The following DSCAML1 variants were observed in gnomAD, a reference collection of about 807,000 sequenced individuals.
The protein encoded by DSCAML1 is DS cell adhesion molecule like 1.
In DSCAML1, 38 loss-of-function variants were observed where a neutral mutation model predicts 200.5. That is an observed-to-expected ratio of 0.19 (90% CI 0.15 to 0.25). The LOEUF (loss-of-function observed/expected upper bound fraction) is 0.25. Ranked by LOEUF, DSCAML1 falls within the 10% of genes least tolerant of loss-of-function variation. DSCAML1 has a pLI of 1.00. For synonymous variants in DSCAML1, 1,215 were observed against 1,165.0 expected, an observed-to-expected ratio of 1.04 and a Z score of -0.87; for missense variants, 2,223 against 2,858.8, an observed-to-expected ratio of 0.78 and a Z score of 5.07.
At chr11:117,700,090 T>C (rs1197990280) in intron 3 of DSCAML1, among the ~76,000 whole-genome samples, 2 of 152,106 alleles carry the variant, frequency 1.3e-5, no homozygotes, top group African/African-American at 4.8e-5. Context: ...AGCTCACAAG[T>C]TTGGAAGATG....
chr11:117,575,342 G>C (rs977895618), intron 3 of DSCAML1, among the ~76,000 whole-genome samples: 2 of 152,170 alleles, frequency 1.3e-5, no homozygotes, highest in Non-Finnish European at 2.9e-5. Flanking sequence ...AGAAGAAATG[G>C]GGTGAGGTAG....
At chr11:117,734,320 G>A (rs552019484) in intron 3 of DSCAML1, among the ~76,000 whole-genome samples, 1 of 152,304 alleles carries the variant, frequency 6.6e-6, no homozygotes, top group Non-Finnish European at 1.5e-5. Flanking sequence ...GGGGAACCCA[G>A]TGATGGAAAA....
At chr11:117,466,558 G>T (rs1299707311) in intron 16 of DSCAML1, among the ~76,000 whole-genome samples, 1 of 152,134 alleles carries the variant, frequency 6.6e-6, no homozygotes, top group African/African-American at 2.4e-5. Flanking sequence ...AAAATTAGCT[G>T]GGTGTGGTAG....
intron 14 of DSCAML1, among the ~76,000 whole-genome samples, chr11:117,477,361 T>A (rs1055917454): frequency 2.8e-5 from 4 of 141,032 alleles, no homozygotes; most frequent in African/African-American, 1.1e-4. Flanking sequence ...TGTGTGTGTG[T>A]GTGTGTGTGT....
intron 3 of DSCAML1, among the ~76,000 whole-genome samples, chr11:117,609,328 G>A (rs1186460739): frequency 7.0e-6 from 1 of 143,234 alleles, no homozygotes; most frequent in Non-Finnish European, 1.5e-5. Context: ...TTTTTTTTGA[G>A]ACAGGGTCTC....
chr11:117,633,955 G>A (rs1190608318), intron 3 of DSCAML1, among the ~76,000 whole-genome samples: 1 of 152,134 alleles, frequency 6.6e-6, no homozygotes, highest in Non-Finnish European at 1.5e-5. Flanking sequence ...ATGCCTGAGG[G>A]GCCAGATTCA....
intron 3 of DSCAML1, among the ~76,000 whole-genome samples, chr11:117,719,952 C>T (rs1475790238): frequency 6.6e-6 from 1 of 152,200 alleles, no homozygotes; most frequent in Non-Finnish European, 1.5e-5. Context: ...TGCTTTGTGG[C>T]CCCCTAACCC....
intron 3 of DSCAML1, among the ~76,000 whole-genome samples, chr11:117,546,839 A>G (rs1469123799): frequency 6.6e-6 from 1 of 152,130 alleles, no homozygotes; most frequent in Admixed American, 6.5e-5. Context: ...TCATATTGCA[A>G]CAAGATTTTA....
intron 8 of DSCAML1, among the ~76,000 whole-genome samples, chr11:117,515,542 C>CT (rs2049743093): frequency 6.6e-6 from 1 of 150,796 alleles, no homozygotes; most frequent in Non-Finnish European, 1.5e-5. Flanking sequence ...TAGTGAGCGG[C>CT]TACCCAGGAC....
intron 11 of DSCAML1, among the ~76,000 whole-genome samples, chr11:117,502,556 G>T (rs1244262430): frequency 6.6e-6 from 1 of 152,164 alleles, no homozygotes; most frequent in African/African-American, 2.4e-5. Context: ...AGCATCGATC[G>T]CTGGGGCTTC....
chr11:117,533,399 G>A (rs1469512633), intron 3 of DSCAML1, among the ~76,000 whole-genome samples: 1 of 152,120 alleles, frequency 6.6e-6, no homozygotes, highest in Non-Finnish European at 1.5e-5. Context: ...TTGTCCTTCT[G>A]CATGGAATTA....
chr11:117,676,973 G>T (rs1479099029), intron 3 of DSCAML1, among the ~76,000 whole-genome samples: 1 of 152,224 alleles, frequency 6.6e-6, no homozygotes, highest in Non-Finnish European at 1.5e-5. Flanking sequence ...AGAGCACTGG[G>T]AGGGGAGCCA....
intron 3 of DSCAML1, among the ~76,000 whole-genome samples, chr11:117,669,071 T>G (rs1486486906): frequency 6.6e-6 from 1 of 152,206 alleles, no homozygotes; most frequent in African/African-American, 2.4e-5. Context: ...ATTTGTTTGT[T>G]TATTCCTATT....
intron 21 of DSCAML1, among the ~76,000 whole-genome samples, chr11:117,441,853 C>A (rs146017686): frequency 6.6e-6 from 1 of 152,180 alleles, no homozygotes; most frequent in Non-Finnish European, 1.5e-5. Flanking sequence ...GGCCTCCATG[C>A]GGGGGCGGTG....
In DSCAML1 at chr11:117,428,343, G is replaced by T. The variant is rs760865364; in HGVS notation, c.6147C>A (p.Ser2049=). The T allele has an allele frequency of 1.9e-6, 3 of 1,566,324 alleles. No homozygotes were observed. Among genetic ancestry groups the T allele is most frequent in the Non-Finnish European group, 2.6e-6 (3 of 1,145,218 alleles). Residue 2049 remains serine, a synonymous_variant, in exon 33 of 33, where the codon TCC becomes TCA. Transcript: ENST00000651296. ...CCTGCGGGCCCTACACCAGGGTGTA[G>T]GATTTGGAGTAGGCCCCGGCCCCCT... The part of the protein sequence containing the change: ...QKQGAGAYSK[S]YTLV
chr11:117,436,652 C>T (rs1210998998), intron 26 of DSCAML1, among the ~76,000 whole-genome samples: 4 of 152,086 alleles, frequency 2.6e-5, no homozygotes, highest in Non-Finnish European at 1.5e-5. Flanking sequence ...GGCCACTCAA[C>T]CCTCGCAGGA....
At chr11:117,570,678 G>A (rs557940) in intron 3 of DSCAML1, among the ~76,000 whole-genome samples, 137,220 of 152,294 alleles carry the variant, frequency 0.9, 61,908 homozygotes, top group Middle Eastern at 0.93. Flanking sequence ...TGCAAGACCT[G>A]TTAATATTTC....
At position 117,457,758 on chromosome 11, in the gene DSCAML1, C is replaced by T. The variant is rs117268572; in HGVS notation, c.3568+996G>A. On this transcript the variant is annotated intron_variant, in intron 19 of 32. Transcript: ENST00000651296. ...TCTCCCCCACCACTCCCAGCCGAGT[C>T]GTTCCTTTTCAACATGTCAAACCCT... is the stretch of plus-strand genomic sequence containing the variant. Among the ~76,000 whole-genome samples, 130 of 152,294 alleles carry T rather than the reference C, an allele frequency of 8.5e-4. 2 individuals carry two copies. The East Asian group carries it at 0.014, about 17-fold the overall frequency.
Position 117,431,052 on chromosome 11 carries a change from A to G in DSCAML1, c.5375-19T>C, listed in dbSNP as rs1202011649. The G allele has an allele frequency of 1.3e-6, 2 of 1,597,334 alleles. No homozygotes were observed. The highest frequency in any genetic ancestry group is 3.4e-5 in the Admixed American group (2 of 59,394). ...CCTTTGTCTGGGGAGTTAAGAGGAA[A>G]GGGGTGGGTTACGGGGAGGAGGGTA... On this transcript the variant is annotated intron_variant, in intron 31 of 32. Transcript: ENST00000651296.
Sources: gnomAD v4.1 joint callset for allele counts (sites outside exome capture counted in the v4.1 genomes callset) on GRCh38, gnomAD v4.1.1 for gene constraint, MANE v1.5 for transcripts, NCBI Gene and HGNC (gene_info 2026-07-23, HGNC 2026-07-21) for gene names.